Variants in LRRC4C observed in about 807,000 individuals in gnomAD.
The protein encoded by LRRC4C is leucine rich repeat containing 4C.
Under a neutral mutation model 33.6 loss-of-function variants are expected in LRRC4C, and 5 were observed. That is an observed-to-expected ratio of 0.15 (90% CI 0.08 to 0.31). The LOEUF (loss-of-function observed/expected upper bound fraction) is 0.31, where lower values mean the gene tolerates loss of function less well. LRRC4C is among the 10% of genes least tolerant of loss of function. The pLI is 1.00. For synonymous variants in LRRC4C, 329 were observed against 302.0 expected (o/e 1.09, Z -0.93); for missense variants, 560 against 796.7 (o/e 0.70, Z 3.58).
At chr11:41,005,615 T>C (rs1352072004) in intron 1 of LRRC4C, among the ~76,000 whole-genome samples, 1 of 151,592 alleles carries the variant, frequency 6.6e-6, no homozygotes, top group African/African-American at 2.4e-5. Context: ...AAAATAAAAA[T>C]AAAAATAAAA....
intron 2 of LRRC4C, among the ~76,000 whole-genome samples, chr11:40,739,434 GTGTT>G (rs1948051547): frequency 1.3e-5 from 2 of 151,900 alleles, no homozygotes; most frequent in Non-Finnish European, 2.9e-5. Context: ...CTGTGTGTGT[GTGTT>G]TATTACCCTT....
chr11:41,436,232 C>G (rs1480554947), intron 1 of LRRC4C, among the ~76,000 whole-genome samples: 1 of 152,062 alleles, frequency 6.6e-6, no homozygotes, highest in African/African-American at 2.4e-5. Flanking sequence ...TATAGAAGAC[C>G]CAGGAACAGT....
intron 1 of LRRC4C, among the ~76,000 whole-genome samples, chr11:41,136,559 T>C (rs950230742): frequency 6.6e-6 from 1 of 152,184 alleles, no homozygotes; most frequent in Non-Finnish European, 1.5e-5. Context: ...CTGTGTTTCA[T>C]TGATATCTTT....
At chr11:40,602,034 C>CA (rs5791388) in intron 3 of LRRC4C, among the ~76,000 whole-genome samples, 72,033 of 148,572 alleles carry the variant, frequency 0.48, 19,721 homozygotes, top group Middle Eastern at 0.71. Flanking sequence ...ACTAAAAATA[C>CA]AAAAAAAAAA....
chr11:40,902,571 AG>A (rs1482940428), intron 2 of LRRC4C, among the ~76,000 whole-genome samples: 1 of 152,178 alleles, frequency 6.6e-6, no homozygotes, highest in Non-Finnish European at 1.5e-5. Flanking sequence ...ATAGGCCAAA[AG>A]CTAGACCTCT....
chr11:41,274,767 G>A (rs757144865), intron 1 of LRRC4C, among the ~76,000 whole-genome samples: 1 of 152,116 alleles, frequency 6.6e-6, no homozygotes, highest in South Asian at 2.1e-4. Context: ...TCACTCTTTG[G>A]GTCCATTCCA....
chr11:41,304,866 T>G (rs1591213265), intron 1 of LRRC4C, among the ~76,000 whole-genome samples: 7 of 83,000 alleles, frequency 8.4e-5, no homozygotes, highest in Non-Finnish European at 1.2e-4. Flanking sequence ...GGGAGGGAGG[T>G]GGGGGTATCA....
intron 3 of LRRC4C, among the ~76,000 whole-genome samples, chr11:40,608,055 T>C (rs1332612440): frequency 7.2e-5 from 11 of 152,116 alleles, no homozygotes; most frequent in Admixed American, 5.9e-4. Flanking sequence ...CATAAGCATA[T>C]GAAACTATAT....
At chr11:40,226,321 C>A (rs568553190) in intron 5 of LRRC4C, among the ~76,000 whole-genome samples, 2 of 152,302 alleles carry the variant, frequency 1.3e-5, no homozygotes, top group Admixed American at 6.5e-5. Flanking sequence ...GTTTGCTATA[C>A]AGAAAGGCTC....
intron 3 of LRRC4C, among the ~76,000 whole-genome samples, chr11:40,442,861 A>G (rs1590750487): frequency 6.6e-6 from 1 of 152,176 alleles, no homozygotes; most frequent in East Asian, 1.9e-4. Flanking sequence ...GACCATCAGT[A>G]TATGTTTCAG....
At chr11:40,275,537 A>C (rs1401958836) in intron 4 of LRRC4C, among the ~76,000 whole-genome samples, 1 of 152,158 alleles carries the variant, frequency 6.6e-6, no homozygotes, top group East Asian at 1.9e-4. Context: ...ATTCCTGCTA[A>C]GCAAATAGCT....
chr11:40,468,016 G>A (rs1291112651), intron 3 of LRRC4C, among the ~76,000 whole-genome samples: 1 of 152,184 alleles, frequency 6.6e-6, no homozygotes, highest in Admixed American at 6.5e-5. Flanking sequence ...ATTTGCACGA[G>A]GAATATCTGC....
chr11:40,306,516 G>T (rs1945039613), intron 4 of LRRC4C, among the ~76,000 whole-genome samples: 1 of 152,146 alleles, frequency 6.6e-6, no homozygotes, highest in Admixed American at 6.5e-5. Context: ...TGTATGGCAT[G>T]TGTCCCTTCC....
At chr11:41,031,098 C>A (rs149536805) in intron 1 of LRRC4C, among the ~76,000 whole-genome samples, 3 of 151,934 alleles carry the variant, frequency 2.0e-5, no homozygotes, top group African/African-American at 7.2e-5. Flanking sequence ...AAAACTCATG[C>A]TATTGCTTTC....
At chr11:40,427,037 A>T (rs1165649363) in intron 3 of LRRC4C, among the ~76,000 whole-genome samples, 1 of 152,186 alleles carries the variant, frequency 6.6e-6, no homozygotes, top group Non-Finnish European at 1.5e-5. Context: ...TCACCTTCTG[A>T]GATATTTAAG....
At chr11:40,122,250 A>T (rs569216007) in intron 6 of LRRC4C, among the ~76,000 whole-genome samples, 28 of 152,088 alleles carry the variant, frequency 1.8e-4, no homozygotes, top group African/African-American at 6.7e-4. Flanking sequence ...TCTTTTTTTT[A>T]AATTAAATTA....
chr11:40,933,174 G>A (rs182933711), intron 2 of LRRC4C, among the ~76,000 whole-genome samples: 28 of 152,298 alleles, frequency 1.8e-4, no homozygotes, highest in African/African-American at 5.1e-4. Flanking sequence ...GTCAGAAAGT[G>A]GAATAAGTGA....
chr11:41,347,260 T>C (rs774443823), intron 1 of LRRC4C, among the ~76,000 whole-genome samples: 2 of 152,186 alleles, frequency 1.3e-5, no homozygotes, highest in Non-Finnish European at 2.9e-5. Context: ...ATTTTTAAAA[T>C]TGCATTTTCT....
chr11:40,899,624 T>G (rs1056782824), intron 2 of LRRC4C, among the ~76,000 whole-genome samples: 2 of 152,204 alleles, frequency 1.3e-5, no homozygotes, highest in Non-Finnish European at 2.9e-5. Flanking sequence ...TGAAGAGTAT[T>G]TCTGTGTAGG....
Sources: allele counts gnomAD v4.1 joint callset (sites outside exome capture counted in the v4.1 genomes callset), GRCh38; gene constraint gnomAD v4.1.1; transcripts MANE v1.5; gene names NCBI Gene and HGNC (gene_info 2026-07-23, HGNC 2026-07-21).